The following CYP4V2 variants were observed in gnomAD, a reference collection of about 807,000 sequenced individuals.
CYP4V2 encodes cytochrome P450 family 4 subfamily V member 2.
In CYP4V2, 55 loss-of-function variants were observed where a neutral mutation model predicts 60.8. The observed-to-expected ratio is 0.90, with a 90% CI of 0.73 to 1.13. The LOEUF is 1.13. CYP4V2 is among the 50% of genes most tolerant of loss of function. The pLI is 0.00. For missense variants in CYP4V2, 675 were observed against 662.9 expected, an observed-to-expected ratio of 1.02 and a Z score of -0.20; for synonymous variants, 239 against 236.8, an observed-to-expected ratio of 1.01 and a Z score of -0.08.
chr4:186,211,992 G>C lies in CYP4V2; in HGVS notation c.*1351G>C, dbSNP rs1736738038. 6.6e-6 allele frequency: 1 copy of C among 152,062 alleles called. No individual in the cohort carries two copies. The highest frequency in any genetic ancestry group is 1.5e-5 in the Non-Finnish European group (1 of 68,024). The allele number at this position is 152,062 out of a possible 1,614,324, so 9.4% of individuals were successfully genotyped here. A position where few individuals can be genotyped will look rare whatever the true frequency, so the allele number is the denominator to read the frequency against. The stretch of plus-strand genomic sequence containing the variant: ...TCCAGTTTTTTCACAGTGCCTCACA[G>C]AGTTAATCATGCCTTTTGGAGCTAG... On this transcript the variant is annotated 3_prime_UTR_variant, in exon 11 of 11. Coordinates refer to ENST00000378802, the MANE Select transcript of CYP4V2 (RefSeq NM_207352.4).
chr4:186,202,224 G>A (rs1164170513), intron 7 of CYP4V2: 2 of 152,192 alleles, frequency 1.3e-5, no homozygotes, highest in African/African-American at 4.8e-5. Flanking sequence ...AGCGAGAGAT[G>A]GACTACGTTG....
At position 186,212,716 on chromosome 4, in the gene CYP4V2, A is replaced by G. The variant is rs1736766536; in HGVS notation, c.*2075A>G. 1 of 152,250 alleles carries G rather than the reference A, an allele frequency of 6.6e-6. No homozygotes were observed. The highest frequency in any genetic ancestry group is 1.5e-5 in the Non-Finnish European group (1 of 68,050). 9.4% of individuals were successfully genotyped at this position (152,250 alleles called of 1,614,324 possible). A position where few individuals can be genotyped will look rare whatever the true frequency, so the allele number is the denominator to read the frequency against. On this transcript the variant is annotated 3_prime_UTR_variant, in exon 11 of 11. Coordinates refer to ENST00000378802, the MANE Select transcript of CYP4V2 (RefSeq NM_207352.4). ...AAGCTTGCAATCAAGAGGGTAGGAC[A>G]TGTGTTCTTCAATGGATATCAAAGG...
Position 186,210,708 on chromosome 4 carries a change from A to C in CYP4V2, c.*67A>C. 6.3e-7 allele frequency: 1 copy of C among 1,595,274 alleles called. No homozygotes were observed. The highest frequency in any genetic ancestry group is 8.6e-7 in the Non-Finnish European group (1 of 1,167,468). On this transcript the variant is annotated 3_prime_UTR_variant, in exon 11 of 11. Coordinates refer to ENST00000378802, the MANE Select transcript of CYP4V2 (RefSeq NM_207352.4). Reference sequence around the variant, plus strand: ...ATTTTAAGAGATCCTTGTCATTTACAATTTACAGATCATGAGTTCAATATG... The same window carrying C: ...ATTTTAAGAGATCCTTGTCATTTACCATTTACAGATCATGAGTTCAATATG...
Position 186,195,970 on chromosome 4 carries a change from T to C in CYP4V2, c.328-33T>C. 4 of 1,492,018 alleles carry C rather than the reference T, an allele frequency of 2.7e-6. No homozygotes were observed. Among genetic ancestry groups the C allele is most frequent in the Non-Finnish European group, 3.7e-6 (4 of 1,070,436 alleles). The allele number at this position is 1,492,018 out of a possible 1,614,324, so 92.4% of individuals were successfully genotyped here. A position where few individuals can be genotyped will look rare whatever the true frequency, so the allele number is the denominator to read the frequency against. On this transcript the variant is annotated intron_variant, in intron 2 of 10. Transcript: ENST00000378802. The surrounding 1 kb of genome is among the most constrained non-coding windows in gnomAD (Gnocchi z 4.1). ...TTACAGGAAGGTTGTTTGATGTCTG[T>C]ATGTCTCTAAAGTATGTTTTTCTCT...
intron 7 of CYP4V2, 155 bp downstream of exon 7, chr4:186,201,497 A>G (rs1736306251): frequency 1.1e-6 from 1 of 870,420 alleles, no homozygotes; most frequent in African/African-American, 1.7e-5. Flanking sequence ...TAAGAAACTG[A>G]TTAAGTACCA....
intron 10 of CYP4V2, among the ~76,000 whole-genome samples, chr4:186,209,514 C>T (rs1736642325): frequency 6.6e-6 from 1 of 152,180 alleles, no homozygotes; most frequent in Non-Finnish European, 1.5e-5. Flanking sequence ...GTGGCTTAAA[C>T]AGCAGAAATT....
At position 186,201,514 on chromosome 4, in the gene CYP4V2, C is replaced by A. The variant is rs1291339305; in HGVS notation, c.987+172C>A. 4 of 761,950 alleles carry A rather than the reference C, an allele frequency of 5.2e-6. No individual in the cohort carries two copies. The African/African-American group carries it at 5.3e-5, about 10-fold the overall frequency. 47.2% of individuals were successfully genotyped at this position (761,950 alleles called of 1,614,324 possible). On this transcript the variant is annotated intron_variant, in intron 7 of 10. Coordinates refer to ENST00000378802, the MANE Select transcript of CYP4V2 (RefSeq NM_207352.4). ...AGAAACTGATTAAGTACCAGCTCAA[C>A]TTCTTCAGAAAACGATTTTGACTAG...
chr4:186,200,488 G>A (rs954891131), intron 6 of CYP4V2, among the ~76,000 whole-genome samples: 15 of 152,182 alleles, frequency 9.9e-5, no homozygotes, highest in South Asian at 2.1e-4. Context: ...TAAGTATAAC[G>A]TAAGTATAAT....
chr4:186,205,401 C>T (rs142949020), intron 8 of CYP4V2, 99 bp downstream of exon 8: 1 of 1,071,562 alleles, frequency 9.3e-7, no homozygotes, highest in East Asian at 2.5e-5. Flanking sequence ...AAGGCTCCCC[C>T]ACGGGATCCT....
intron 5 of CYP4V2, 140 bp from the exon 6 acceptor site, chr4:186,198,817 A>T: frequency 7.6e-7 from 1 of 1,307,332 alleles, no homozygotes; most frequent in Non-Finnish European, 1.1e-6. Flanking sequence ...TGCTAAGCAT[A>T]AAACATGGAG....
At chr4:186,208,343 C>T (rs1014037858) in intron 8 of CYP4V2, among the ~76,000 whole-genome samples, 1 of 151,662 alleles carries the variant, frequency 6.6e-6, no homozygotes, top group Non-Finnish European at 1.5e-5. Flanking sequence ...TACCTTGATC[C>T]ACGTGTTCTT....
At position 186,197,549 on chromosome 4, in the gene CYP4V2, G is replaced by T. The variant is rs1283933679; in HGVS notation, c.621G>T (p.Lys207Asn). 1.2e-6 allele frequency: 2 copies of T among 1,614,110 alleles called. No homozygotes were observed. The highest frequency in any genetic ancestry group is 1.7e-6 in the Non-Finnish European group (2 of 1,180,048). Residue 207 changes from lysine to asparagine, a missense_variant, in exon 5 of 11, where the codon AAG (lysine) becomes AAT (asparagine). By Grantham distance (94) the Lys-to-Asn change is moderately conservative (BLOSUM62 0). Coordinates refer to ENST00000378802, the MANE Select transcript of CYP4V2 (RefSeq NM_207352.4). ...LDIICETAMG[K>N]NIGAQSNDDS... ...ATTTTATAGAAACAGCTATGGGGAA[G>T]AATATTGGTGCTCAAAGTAATGATG...
intron 8 of CYP4V2, 103 bp downstream of exon 8, chr4:186,205,405 G>A: frequency 8.7e-7 from 1 of 1,155,448 alleles, no homozygotes; most frequent in Non-Finnish European, 1.3e-6. Flanking sequence ...CTCCCCCACG[G>A]GATCCTTTCC....
intron 6 of CYP4V2, 21 bp from the exon 7 acceptor site, chr4:186,201,136 A>G (rs775867139): frequency 6.2e-7 from 1 of 1,613,510 alleles, no homozygotes; most frequent in Admixed American, 1.7e-5. Flanking sequence ...GAAGCATGTG[A>G]TTATCATTCA....
At chr4:186,198,527 T>C (rs1234707624) in intron 5 of CYP4V2, among the ~76,000 whole-genome samples, 1 of 152,128 alleles carries the variant, frequency 6.6e-6, no homozygotes, top group Non-Finnish European at 1.5e-5. Context: ...AAGTGACAGA[T>C]GGGTACTTAG....
intron 4 of CYP4V2, 167 bp from the exon 5 acceptor site, chr4:186,197,366 G>A (rs969877643): frequency 1.2e-6 from 1 of 855,262 alleles, no homozygotes; most frequent in East Asian, 2.6e-5. Context: ...CAGGAACAGG[G>A]AGTAGAAGTG....
chr4:186,210,446 A>T, intron 10 of CYP4V2, 23 bp from the exon 11 acceptor site: 2 of 1,614,074 alleles, frequency 1.2e-6, no homozygotes, highest in Non-Finnish European at 8.5e-7. Flanking sequence ...AACTAAAGCG[A>T]TGGTATCTAC....
chr4:186,208,753 T>C (rs1736607640), intron 8 of CYP4V2, 112 bp from the exon 9 acceptor site: 2 of 1,442,622 alleles, frequency 1.4e-6, no homozygotes, highest in African/African-American at 2.8e-5. Context: ...CTTTGTTGGG[T>C]ATTTGATGGG....
chr4:186,203,538 C>A (rs1736391345), intron 7 of CYP4V2: 1 of 152,322 alleles, frequency 6.6e-6, no homozygotes, highest in Non-Finnish European at 1.5e-5. Flanking sequence ...CACCAGTGTG[C>A]CTCGGTGCTT....
Sources: allele counts gnomAD v4.1 joint callset (sites outside exome capture counted in the v4.1 genomes callset), GRCh38; gene constraint gnomAD v4.1.1; non-coding constraint Gnocchi (gnomAD v3.1); transcripts MANE v1.5; gene names NCBI Gene and HGNC (gene_info 2026-07-23, HGNC 2026-07-21).